The following ZMAT4 variants were observed in gnomAD, a reference collection of about 807,000 sequenced individuals.
ZMAT4 encodes zinc finger matrin-type protein 4.
In ZMAT4, 17 loss-of-function variants were observed where a neutral mutation model predicts 28.7. That is an observed-to-expected ratio of 0.59 (90% CI 0.41 to 0.89). The LOEUF (loss-of-function observed/expected upper bound fraction) is 0.89. Among genes scored for constraint, ZMAT4 ranks in the 40% least tolerant of loss-of-function variants. The probability of loss-of-function intolerance (pLI) is 0.00; values close to 1 mark genes in which losing one functional copy is unlikely to be tolerated. For missense variants in ZMAT4, 240 were observed against 283.8 expected, an observed-to-expected ratio of 0.85 and a Z score of 1.11; for synonymous variants, 117 against 109.2, an observed-to-expected ratio of 1.07 and a Z score of -0.44.
intron 6 of ZMAT4, among the ~76,000 whole-genome samples, chr8:40,557,997 G>A (rs566277009): frequency 6.6e-6 from 1 of 152,274 alleles, no homozygotes; most frequent in African/African-American, 2.4e-5. Flanking sequence ...AGCTTGGGTT[G>A]ACAAGAAGGG....
intron 4 of ZMAT4, among the ~76,000 whole-genome samples, chr8:40,677,872 T>C (rs926976428): frequency 1.3e-5 from 2 of 152,220 alleles, no homozygotes; most frequent in African/African-American, 4.8e-5. Flanking sequence ...AAATATTTAC[T>C]TTACCTGCCC....
chr8:40,624,621 G>C (rs1027344780), intron 5 of ZMAT4, among the ~76,000 whole-genome samples: 4 of 152,218 alleles, frequency 2.6e-5, no homozygotes, highest in Admixed American at 1.3e-4. Flanking sequence ...TTTGTTGGAT[G>C]CTTAGTCATG....
chr8:40,820,146 G>GTC (rs1815696653), intron 2 of ZMAT4, among the ~76,000 whole-genome samples: 1 of 149,626 alleles, frequency 6.7e-6, no homozygotes, highest in African/African-American at 2.5e-5. Flanking sequence ...CCATGTGTGT[G>GTC]TATATGCGAA....
In ZMAT4 at chr8:40,808,472, C is replaced by T. The variant is rs145515988; in HGVS notation, c.102+17103G>A. 985 of 432,492 alleles carry T rather than the reference C, an allele frequency of 2.3e-3. 11 individuals carry two copies. Among genetic ancestry groups the T allele is most frequent in the African/African-American group, 0.018 (874 of 48,436 alleles). 26.8% of individuals were successfully genotyped at this position (432,492 alleles called of 1,614,324 possible). A position where few individuals can be genotyped will look rare whatever the true frequency, so the allele number is the denominator to read the frequency against. On this transcript the variant is annotated intron_variant, in intron 2 of 6. Transcript: ENST00000297737. Reference sequence around the variant, plus strand: ...GCAATAAATGTTAACATCTTTCTAACGGTTGACAATGCAGTAGTATAAAGC... The same window carrying T: ...GCAATAAATGTTAACATCTTTCTAATGGTTGACAATGCAGTAGTATAAAGC...
intron 1 of ZMAT4, among the ~76,000 whole-genome samples, chr8:40,886,631 C>T (rs994718523): frequency 3.9e-5 from 6 of 152,170 alleles, no homozygotes; most frequent in African/African-American, 1.4e-4. Flanking sequence ...AAAAGTCTAC[C>T]TCTAACTTTA....
rs1348552802 is a variant in ZMAT4 at position 40,769,064 on chromosome 8, C to G, written c.103-1334G>C. Among the ~76,000 whole-genome samples, 4 of 152,116 alleles carry G rather than the reference C, an allele frequency of 2.6e-5. No individual in the cohort carries two copies. The East Asian group carries it at 7.7e-4, about 29-fold the overall frequency. ...AATTCCTATATTCTGTCTAGAGCAA[C>G]AAAAGACCAAGCTTCTAGACAATCC... On this transcript the variant is annotated intron_variant, in intron 2 of 6. Transcript: ENST00000297737.
chr8:40,622,448 A>G (rs1806235484), intron 5 of ZMAT4, among the ~76,000 whole-genome samples: 1 of 152,234 alleles, frequency 6.6e-6, no homozygotes, highest in Admixed American at 6.5e-5. Context: ...GAACACTGGC[A>G]GAATTAGCTC....
At chr8:40,593,022 A>G (rs763894800) in intron 5 of ZMAT4, among the ~76,000 whole-genome samples, 6 of 152,230 alleles carry the variant, frequency 3.9e-5, no homozygotes, top group Non-Finnish European at 8.8e-5. Flanking sequence ...TTTTAACCAC[A>G]TATTAAATAA....
intron 3 of ZMAT4, among the ~76,000 whole-genome samples, chr8:40,754,858 T>G (rs1445850734): frequency 6.6e-6 from 1 of 152,104 alleles, no homozygotes; most frequent in South Asian, 2.1e-4. Flanking sequence ...ACTAAAAAAT[T>G]TTTAAAAATT....
chr8:40,816,288 T>G (rs1306511600), intron 2 of ZMAT4, among the ~76,000 whole-genome samples: 2 of 152,300 alleles, frequency 1.3e-5, no homozygotes, highest in East Asian at 3.9e-4. Context: ...ATTTTGATAC[T>G]CAGGGCAACG....
chr8:40,758,079 C>T (rs1312773873), intron 3 of ZMAT4, among the ~76,000 whole-genome samples: 2 of 152,132 alleles, frequency 1.3e-5, no homozygotes, highest in Admixed American at 6.5e-5. Context: ...TTTGAGGTCT[C>T]GGGACTTGGA....
intron 2 of ZMAT4, among the ~76,000 whole-genome samples, chr8:40,811,937 C>T (rs1200876817): frequency 6.6e-6 from 1 of 152,042 alleles, no homozygotes; most frequent in Non-Finnish European, 1.5e-5. Flanking sequence ...TCGAGACCAG[C>T]CTGGTCAACA....
intron 5 of ZMAT4, among the ~76,000 whole-genome samples, chr8:40,660,500 A>G (rs1008149394): frequency 4.6e-5 from 7 of 152,214 alleles, no homozygotes; most frequent in Non-Finnish European, 1.0e-4. Context: ...TGCCCGTTAC[A>G]TAATAACCAC....
intron 1 of ZMAT4, among the ~76,000 whole-genome samples, chr8:40,844,553 C>T (rs188686253): frequency 6.6e-6 from 1 of 152,160 alleles, no homozygotes; most frequent in Non-Finnish European, 1.5e-5. Flanking sequence ...TTCCCTTGGC[C>T]TCCATTATCA....
chr8:40,697,333 C>G lies in ZMAT4; in HGVS notation c.261G>C (p.Ala87=), dbSNP rs200944269. 8 of 1,613,906 alleles carry G rather than the reference C, an allele frequency of 5.0e-6. No homozygotes were observed. The highest frequency in any genetic ancestry group is 5.9e-6 in the Non-Finnish European group (7 of 1,179,870). The change falls in exon 4 of 7, where the codon GCG becomes GCC. Residue 87 remains alanine, a synonymous_variant. Transcript: ENST00000297737. The part of the protein sequence containing the change: ...CTLCNMSFTS[A]VVADSHYQGK... The stretch of plus-strand genomic sequence containing the variant: ...CTTGATAATGGGAATCGGCCACCAC[C>G]GCTGAAGTGAATGACATGTTGCAGA...
chr8:40,824,515 T>C (rs1815949151), intron 2 of ZMAT4, among the ~76,000 whole-genome samples: 1 of 151,844 alleles, frequency 6.6e-6, no homozygotes, highest in South Asian at 2.1e-4. Context: ...TACTAGTATA[T>C]GTTCTTTTGA....
intron 5 of ZMAT4, among the ~76,000 whole-genome samples, chr8:40,661,917 G>A (rs545839918): frequency 2.0e-5 from 3 of 152,322 alleles, no homozygotes; most frequent in African/African-American, 7.2e-5. Context: ...AGTTTCACAT[G>A]ATATTGTCAG....
intron 3 of ZMAT4, among the ~76,000 whole-genome samples, chr8:40,740,912 A>G (rs1018899587): frequency 1.3e-5 from 2 of 152,104 alleles, no homozygotes; most frequent in African/African-American, 4.8e-5. Context: ...TACTTTATAC[A>G]TTCTTGAAGA....
chr8:40,850,418 A>T (rs898273555), intron 1 of ZMAT4, among the ~76,000 whole-genome samples: 22 of 152,092 alleles, frequency 1.4e-4, no homozygotes, highest in African/African-American at 5.3e-4. Flanking sequence ...TCCCCTGCCA[A>T]CATCATTCTA....
Sources: allele counts gnomAD v4.1 joint callset (sites outside exome capture counted in the v4.1 genomes callset), GRCh38; gene constraint gnomAD v4.1.1; transcripts MANE v1.5; gene names NCBI Gene and HGNC (gene_info 2026-07-23, HGNC 2026-07-21).